FOXP2: variants seen among roughly 807,000 people sequenced by gnomAD.
FOXP2 encodes forkhead box P2, also known as forkhead box protein P2.
FOXP2 carries 12 observed loss-of-function variants against 115.8 expected under a neutral mutation model. The observed-to-expected ratio is 0.10, with a 90% CI of 0.07 to 0.17. The LOEUF (loss-of-function observed/expected upper bound fraction) is 0.17. Ranked by LOEUF, FOXP2 falls within the 10% of genes least tolerant of loss-of-function variation. The pLI is 1.00. For missense variants in FOXP2, 629 were observed against 843.5 expected (o/e 0.75, Z 3.15); for synonymous variants, 328 against 297.7 (o/e 1.10, Z -1.05).
chr7:114,616,287 G>A (rs1394901229), intron 3 of FOXP2, among the ~76,000 whole-genome samples: 1 of 151,790 alleles, frequency 6.6e-6, no homozygotes, highest in African/African-American at 2.4e-5. Flanking sequence ...CTCAGCCTCT[G>A]GTGTAGCTGG....
intron 2 of FOXP2, among the ~76,000 whole-genome samples, chr7:114,362,647 T>TTCAG (rs1791780958): frequency 6.6e-6 from 1 of 152,074 alleles, no homozygotes; most frequent in Non-Finnish European, 1.5e-5. Flanking sequence ...GTGGTTTTGA[T>TTCAG]AATTAAATAG....
chr7:114,607,484 A>C (rs1226919572), intron 3 of FOXP2, among the ~76,000 whole-genome samples: 4 of 152,192 alleles, frequency 2.6e-5, no homozygotes, highest in Non-Finnish European at 5.9e-5. Flanking sequence ...TGAGAAGAAA[A>C]TGGTGTAAGT....
chr7:114,601,614 C>A (rs1207985736), intron 3 of FOXP2, among the ~76,000 whole-genome samples: 1 of 152,046 alleles, frequency 6.6e-6, no homozygotes, highest in East Asian at 1.9e-4. Context: ...CTAATGTGTG[C>A]ATTTAAGACT....
chr7:114,376,973 T>C (rs1792154127), intron 2 of FOXP2, among the ~76,000 whole-genome samples: 1 of 152,068 alleles, frequency 6.6e-6, no homozygotes, highest in Admixed American at 6.6e-5. Context: ...ATATTGGGAG[T>C]ATTGTTGCAT....
intron 2 of FOXP2, among the ~76,000 whole-genome samples, chr7:114,316,722 G>T (rs982164835): frequency 6.6e-6 from 1 of 152,088 alleles, no homozygotes; most frequent in African/African-American, 2.4e-5. Flanking sequence ...TTAAAGCGTT[G>T]CTCAGAGAGG....
chr7:114,656,904 G>T (rs529959294), intron 10 of FOXP2, among the ~76,000 whole-genome samples: 1 of 152,076 alleles, frequency 6.6e-6, no homozygotes, highest in African/African-American at 2.4e-5. Context: ...CTTAAGAAGT[G>T]TATTTGGGAT....
intron 6 of FOXP2, among the ~76,000 whole-genome samples, chr7:114,642,084 G>A (rs1482995038): frequency 6.6e-6 from 1 of 152,074 alleles, no homozygotes; most frequent in Non-Finnish European, 1.5e-5. Context: ...GGGATTACAG[G>A]CGTGAGCCAC....
intron 1 of FOXP2, among the ~76,000 whole-genome samples, chr7:114,184,006 A>G (rs1793527092): frequency 6.6e-6 from 1 of 152,216 alleles, no homozygotes; most frequent in Non-Finnish European, 1.5e-5. Context: ...TGTATCCACT[A>G]TAGTAAGAAT....
intron 1 of FOXP2, among the ~76,000 whole-genome samples, chr7:114,184,997 T>C (rs901748139): frequency 5.9e-5 from 9 of 152,172 alleles, no homozygotes; most frequent in Non-Finnish European, 1.2e-4. Context: ...TATGATTCAC[T>C]GCCTTCATTA....
At chr7:114,111,923 G>T (rs1391413825) in intron 1 of FOXP2, among the ~76,000 whole-genome samples, 1 of 151,848 alleles carries the variant, frequency 6.6e-6, no homozygotes, top group Non-Finnish European at 1.5e-5. Flanking sequence ...AGATTGTCAT[G>T]AGAAAAATGG....
intron 1 of FOXP2, among the ~76,000 whole-genome samples, chr7:114,240,944 T>C (rs1229057343): frequency 6.6e-6 from 1 of 152,076 alleles, no homozygotes; most frequent in African/African-American, 2.4e-5. Context: ...AGTGAGTTGT[T>C]GATAACACTT....
At chr7:114,245,884 G>T (rs1562833854) in intron 1 of FOXP2, among the ~76,000 whole-genome samples, 2 of 151,780 alleles carry the variant, frequency 1.3e-5, no homozygotes, top group African/African-American at 4.8e-5. Flanking sequence ...AAATACATTT[G>T]TACGAAACTG....
At chr7:114,661,864 C>T in intron 13 of FOXP2, 1 of 581,810 alleles carries the variant, frequency 1.7e-6, no homozygotes, top group South Asian at 2.0e-5. Context: ...TTGGAAGGTT[C>T]TCTTATCACA....
intron 3 of FOXP2, chr7:114,538,494 T>C: frequency 1.8e-6 from 1 of 549,654 alleles, no homozygotes; most frequent in Non-Finnish European, 2.9e-6. Flanking sequence ...TAATAGGTAA[T>C]TGAATTATAA....
At chr7:114,600,582 A>G (rs914067916) in intron 3 of FOXP2, among the ~76,000 whole-genome samples, 2 of 152,194 alleles carry the variant, frequency 1.3e-5, no homozygotes, top group South Asian at 2.1e-4. Flanking sequence ...TTTGTAAGAA[A>G]TTGCCAAATT....
At chr7:114,186,580 C>T (rs1480265686) in intron 1 of FOXP2, among the ~76,000 whole-genome samples, 1 of 152,166 alleles carries the variant, frequency 6.6e-6, no homozygotes, top group Non-Finnish European at 1.5e-5. Flanking sequence ...CGCATAACAG[C>T]CCTCAGAGGT....
chr7:114,534,952 C>T (rs555544459), intron 3 of FOXP2, among the ~76,000 whole-genome samples: 16 of 151,830 alleles, frequency 1.1e-4, no homozygotes, highest in South Asian at 2.1e-4. Flanking sequence ...ATTTGGTGTA[C>T]ATAGGCATAA....
chr7:114,425,634 A>G (rs982366653), intron 1 of FOXP2, among the ~76,000 whole-genome samples: 1 of 151,660 alleles, frequency 6.6e-6, no homozygotes, highest in African/African-American at 2.4e-5. Context: ...TTTTAGCACA[A>G]TCATTAGTGA....
intron 2 of FOXP2, among the ~76,000 whole-genome samples, chr7:114,370,016 T>G (rs2129189138): frequency 6.6e-6 from 1 of 152,330 alleles, no homozygotes; most frequent in South Asian, 2.1e-4. Context: ...TGTTCTGATT[T>G]AACCCAAATA....
Sources: gnomAD v4.1 joint callset for allele counts (sites outside exome capture counted in the v4.1 genomes callset) on GRCh38, gnomAD v4.1.1 for gene constraint, MANE v1.5 for transcripts, NCBI Gene and HGNC (gene_info 2026-07-23, HGNC 2026-07-21) for gene names.